C10orf67: variants seen among roughly 807,000 people sequenced by gnomAD.
C10orf67 encodes uncharacterized protein C10orf67, mitochondrial.
C10orf67 carries 60 observed loss-of-function variants against 35.6 expected under a neutral mutation model. That is an observed-to-expected ratio of 1.68 (90% CI 1.37 to 2.09). C10orf67 has a LOEUF of 2.09. Among genes scored for constraint, C10orf67 ranks in the 30% most tolerant of loss-of-function variants. C10orf67 has a pLI of 0.00. For synonymous variants in C10orf67, 167 were observed against 115.8 expected (o/e 1.44, Z -2.84); for missense variants, 474 against 330.2 (o/e 1.44, Z -3.38).
intron 2 of C10orf67, among the ~76,000 whole-genome samples, chr10:23,328,647 T>G (rs1845292185): frequency 6.6e-6 from 1 of 150,378 alleles, no homozygotes; most frequent in Non-Finnish European, 1.5e-5. Flanking sequence ...CGGAGCTATA[T>G]GCTATCCTAA....
rs1413037918 is a variant in C10orf67 at position 23,312,308 on chromosome 10, A to G, written c.546+8433T>C. On this transcript the variant is annotated intron_variant, in intron 4 of 15. Coordinates refer to ENST00000636213, the MANE Select transcript of C10orf67 (RefSeq NM_001371909.1). Reference sequence around the variant, plus strand: ...ATGGTTACAATTCATAATTATCATTATTTATTTTGATGCATGGATTTTCCC... The same window carrying G: ...ATGGTTACAATTCATAATTATCATTGTTTATTTTGATGCATGGATTTTCCC... 3.3e-5 allele frequency among the ~76,000 whole-genome samples: 5 copies of G among 152,282 alleles called. No individual in the cohort carries two copies. In the East Asian group the frequency reaches 9.6e-4, roughly 29 times the overall value.
intron 10 of C10orf67, among the ~76,000 whole-genome samples, chr10:23,264,535 T>C (rs1228234828): frequency 1.3e-5 from 2 of 152,142 alleles, no homozygotes; most frequent in African/African-American, 4.8e-5. Context: ...AAATGACACC[T>C]TCTCAGAGAT....
intron 9 of C10orf67, 90 bp from the exon 10 acceptor site, chr10:23,266,516 T>A (rs1487410103): frequency 7.6e-6 from 3 of 397,236 alleles, no homozygotes; most frequent in Non-Finnish European, 1.3e-5. Flanking sequence ...TCCCCTGAGC[T>A]GGAATTGCAG....
At chr10:23,206,033 C>G (rs1292215042) in intron 15 of C10orf67, among the ~76,000 whole-genome samples, 3 of 152,230 alleles carry the variant, frequency 2.0e-5, no homozygotes, top group Non-Finnish European at 4.4e-5. Flanking sequence ...CATCCCCAAT[C>G]ATTTTTTATA....
At chr10:23,202,440 C>T (rs1841049879), downstream of C10orf67, 1 of 151,524 alleles carries the variant, frequency 6.6e-6, no homozygotes, top group Non-Finnish European at 1.5e-5. Flanking sequence ...ATCTGTTTTT[C>T]CTATTATATG....
chr10:23,220,332 T>C (rs1841545023), intron 15 of C10orf67, among the ~76,000 whole-genome samples: 1 of 152,188 alleles, frequency 6.6e-6, no homozygotes, highest in South Asian at 2.1e-4. Context: ...AGGAATTAGC[T>C]AGGTATGTCA....
chr10:23,227,671 T>C (rs1841778853), intron 13 of C10orf67, among the ~76,000 whole-genome samples: 2 of 152,198 alleles, frequency 1.3e-5, no homozygotes, highest in Admixed American at 1.3e-4. Context: ...GATGACATGA[T>C]TGTATATCTA....
chr10:23,325,586 A>C (rs894513214), intron 2 of C10orf67, among the ~76,000 whole-genome samples: 3 of 151,554 alleles, frequency 2.0e-5, no homozygotes, highest in Non-Finnish European at 4.4e-5. Flanking sequence ...ACAACAACAA[A>C]AAAACTTCAG....
chr10:23,322,857 C>A (rs1283534327), intron 2 of C10orf67, among the ~76,000 whole-genome samples: 1 of 151,954 alleles, frequency 6.6e-6, no homozygotes, highest in Admixed American at 6.6e-5. Context: ...TATATACACA[C>A]ATTAAATAAA....
chr10:23,341,809 C>G (rs370997162), intron 1 of C10orf67, among the ~76,000 whole-genome samples: 2 of 152,178 alleles, frequency 1.3e-5, no homozygotes, highest in African/African-American at 4.8e-5. Flanking sequence ...GGGCTCCCCC[C>G]TCAAGCCTGC....
chr10:23,255,583 A>G (rs1050679682), intron 10 of C10orf67, among the ~76,000 whole-genome samples: 2 of 152,252 alleles, frequency 1.3e-5, no homozygotes, highest in African/African-American at 4.8e-5. Context: ...GTAGGAAGTC[A>G]TCTATGCAAA....
At chr10:23,333,558 G>T (rs185657212) in intron 1 of C10orf67, among the ~76,000 whole-genome samples, 1 of 152,292 alleles carries the variant, frequency 6.6e-6, no homozygotes, top group East Asian at 1.9e-4. Context: ...CAAAGTATGG[G>T]CCGAGGACCC....
intron 12 of C10orf67, among the ~76,000 whole-genome samples, chr10:23,245,009 C>T (rs904893283): frequency 3.3e-5 from 5 of 152,146 alleles, no homozygotes; most frequent in Non-Finnish European, 7.4e-5. Context: ...TGAAAATAGA[C>T]ACTTAGACCA....
rs78222786 is a variant in C10orf67 at position 23,329,191 on chromosome 10, G to A, written c.327+3871C>T. ...AATGAAATAGACAATTCTGCCAAGAGTCACTAAGAAAAAAGAGAGGAGATA... is the reference window on the plus strand; with the variant it reads ...AATGAAATAGACAATTCTGCCAAGAATCACTAAGAAAAAAGAGAGGAGATA... On this transcript the variant is annotated intron_variant, in intron 2 of 15. Transcript: ENST00000636213. 2.6e-3 allele frequency among the ~76,000 whole-genome samples: 400 copies of A among 151,804 alleles called. 2 individuals carry two copies. Among genetic ancestry groups the A allele is most frequent in the African/African-American group, 9.4e-3 (389 of 41,460 alleles).
At chr10:23,335,059 G>A (rs548668865) in intron 1 of C10orf67, among the ~76,000 whole-genome samples, 4 of 151,998 alleles carry the variant, frequency 2.6e-5, no homozygotes, top group Non-Finnish European at 4.4e-5. Flanking sequence ...GTGGTGGCAC[G>A]TGCCTGTAAT....
chr10:23,273,124 G>A (rs1170236892), intron 8 of C10orf67, among the ~76,000 whole-genome samples: 1 of 152,136 alleles, frequency 6.6e-6, no homozygotes. Flanking sequence ...TGTCGTCTGG[G>A]AATTTAAAAA....
chr10:23,258,900 A>T (rs1842673570), intron 10 of C10orf67, among the ~76,000 whole-genome samples: 1 of 152,254 alleles, frequency 6.6e-6, no homozygotes, highest in Admixed American at 6.5e-5. Context: ...ACTTCTGTTA[A>T]ATAGTCTTCA....
intron 8 of C10orf67, among the ~76,000 whole-genome samples, chr10:23,278,974 G>A (rs997523855): frequency 1.9e-4 from 29 of 152,146 alleles, no homozygotes; most frequent in African/African-American, 7.0e-4. Context: ...ATTGTGGGTC[G>A]GTCGCAGCGG....
chr10:23,282,468 G>A (rs1208095235), intron 7 of C10orf67, among the ~76,000 whole-genome samples: 1 of 152,146 alleles, frequency 6.6e-6, no homozygotes, highest in Non-Finnish European at 1.5e-5. Context: ...ATAGCTATCA[G>A]AAGCATACAC....
Sources: gnomAD v4.1 joint callset for allele counts (sites outside exome capture counted in the v4.1 genomes callset) on GRCh38, gnomAD v4.1.1 for gene constraint, MANE v1.5 for transcripts, NCBI Gene and HGNC (gene_info 2026-07-23, HGNC 2026-07-21) for gene names.